Variants in ZBTB49 observed in about 807,000 individuals in gnomAD.
ZBTB49 encodes zinc finger and BTB domain containing 49.
In ZBTB49, 43 loss-of-function variants were observed where a neutral mutation model predicts 57.5. The observed-to-expected ratio is 0.75, with a 90% CI of 0.59 to 0.97. The LOEUF (loss-of-function observed/expected upper bound fraction) is 0.97, where lower values mean the gene tolerates loss of function less well. Ranked by LOEUF, ZBTB49 falls within the 50% of genes least tolerant of loss-of-function variation. The pLI, the probability that ZBTB49 is intolerant of heterozygous loss-of-function variation, is 0.00. For synonymous variants in ZBTB49, 369 were observed against 362.1 expected, an observed-to-expected ratio of 1.02 and a Z score of -0.22; for missense variants, 938 against 947.7, an observed-to-expected ratio of 0.99 and a Z score of 0.13.
At chr4:4,299,269 GAC>G (rs1720365219) in intron 1 of ZBTB49, among the ~76,000 whole-genome samples, 1 of 150,932 alleles carries the variant, frequency 6.6e-6, no homozygotes, top group South Asian at 2.1e-4. Context: ...TCAGGCATCT[GAC>G]CAAGTAGCCT....
intron 1 of ZBTB49, among the ~76,000 whole-genome samples, chr4:4,293,298 G>A (rs751175302): frequency 8.5e-5 from 13 of 152,178 alleles, no homozygotes; most frequent in South Asian, 2.1e-4. Context: ...CTTCTCTCAC[G>A]CTATAACACC....
At chr4:4,315,508 C>A in intron 5 of ZBTB49, 128 bp from the exon 6 acceptor site, 3 of 845,526 alleles carry the variant, frequency 3.5e-6, no homozygotes, top group South Asian at 1.8e-5. Flanking sequence ...CAGATGAAAC[C>A]AGTCCAGTTC....
chr4:4,295,059 G>A (rs2108867278), intron 1 of ZBTB49, among the ~76,000 whole-genome samples: 1 of 152,182 alleles, frequency 6.6e-6, no homozygotes, highest in Non-Finnish European at 1.5e-5. Context: ...TATCTTAATT[G>A]TTTCTCTTGT....
intron 4 of ZBTB49, 63 bp downstream of exon 4, chr4:4,306,247 A>G (rs2108884812): frequency 7.2e-7 from 1 of 1,392,510 alleles, no homozygotes; most frequent in South Asian, 1.2e-5. Context: ...TTTTTATTGG[A>G]AATAAGACAT....
chr4:4,294,794 A>G (rs560832209), intron 1 of ZBTB49, among the ~76,000 whole-genome samples: 13 of 152,072 alleles, frequency 8.5e-5, no homozygotes, highest in African/African-American at 3.1e-4. Flanking sequence ...TTAGACATTT[A>G]CCTAATATAC....
chr4:4,293,524 ATCT>A (rs369034836), intron 1 of ZBTB49, among the ~76,000 whole-genome samples: 7 of 152,340 alleles, frequency 4.6e-5, no homozygotes, highest in African/African-American at 1.7e-4. Context: ...CTGTGTGACC[ATCT>A]TCTCTGTATA....
intron 4 of ZBTB49, among the ~76,000 whole-genome samples, chr4:4,311,973 A>G (rs145938255): frequency 4.7e-4 from 71 of 152,312 alleles, no homozygotes; most frequent in African/African-American, 1.7e-3. Context: ...TTCACAAGTC[A>G]ATATCAAACT....
intron 7 of ZBTB49, among the ~76,000 whole-genome samples, chr4:4,319,964 T>C (rs1240739329): frequency 6.7e-6 from 1 of 149,898 alleles, no homozygotes; most frequent in Non-Finnish European, 1.5e-5. Context: ...CTCAGGAGGC[T>C]GAGGCAGGAG....
Position 4,321,468 on chromosome 4 carries a change from T to G in ZBTB49, c.*152T>G. 3.5e-6 allele frequency: 3 copies of G among 864,696 alleles called. No homozygotes were observed. The South Asian group carries it at 5.3e-5, about 15-fold the overall frequency. 53.6% of individuals were successfully genotyped at this position (864,696 alleles called of 1,614,324 possible). ...TGATGATGGCTCATAATCTGAAGCA[T>G]CTTGAGCTGGGGGTGTGAGGGGGAG... On this transcript the variant is annotated 3_prime_UTR_variant, in exon 8 of 8. Coordinates refer to ENST00000337872, the MANE Select transcript of ZBTB49 (RefSeq NM_145291.4).
chr4:4,291,838 C>G (rs981795437), intron 1 of ZBTB49, among the ~76,000 whole-genome samples: 1 of 152,208 alleles, frequency 6.6e-6, no homozygotes, highest in Non-Finnish European at 1.5e-5. Context: ...CATTTAATAA[C>G]TTTGGTACAG....
At chr4:4,291,956 C>T (rs190542733) in intron 1 of ZBTB49, among the ~76,000 whole-genome samples, 38 of 152,254 alleles carry the variant, frequency 2.5e-4, no homozygotes, top group Non-Finnish European at 4.7e-4. Context: ...TGGTGAAACC[C>T]TGTAAACCCC....
intron 3 of ZBTB49, among the ~76,000 whole-genome samples, chr4:4,304,638 G>A (rs1487284857): frequency 6.6e-6 from 1 of 152,064 alleles, no homozygotes; most frequent in African/African-American, 2.4e-5. Context: ...ATGCTTACTG[G>A]CACATAAATA....
At position 4,303,111 on chromosome 4, in the gene ZBTB49, C is replaced by T. The variant is rs1012130256; in HGVS notation, c.1255+20C>T. 3 of 1,561,736 alleles carry T rather than the reference C, an allele frequency of 1.9e-6. No individual in the cohort carries two copies. Among genetic ancestry groups the T allele is most frequent in the Admixed American group, 1.9e-5 (1 of 51,832 alleles). On this transcript the variant is annotated intron_variant, in intron 3 of 7. Coordinates refer to ENST00000337872, the MANE Select transcript of ZBTB49 (RefSeq NM_145291.4). ...ATACAGGTAACTGATTCAGTACCCACAGGCAGAAGGGAAGGACGTAATGCG... is the reference window on the plus strand; with the variant it reads ...ATACAGGTAACTGATTCAGTACCCATAGGCAGAAGGGAAGGACGTAATGCG...
At chr4:4,320,294 G>T (rs535557191) in intron 7 of ZBTB49, among the ~76,000 whole-genome samples, 290 of 152,342 alleles carry the variant, frequency 1.9e-3, no homozygotes, top group African/African-American at 6.6e-3. Context: ...TCCGCAGCTG[G>T]AGAAGCACCT....
chr4:4,319,971 G>A (rs911041917), intron 7 of ZBTB49, among the ~76,000 whole-genome samples: 2 of 149,610 alleles, frequency 1.3e-5, no homozygotes, highest in Non-Finnish European at 3.0e-5. Context: ...GGCTGAGGCA[G>A]GAGAACCACC....
chr4:4,312,897 T>G (rs187948872), intron 4 of ZBTB49, 144 bp from the exon 5 acceptor site: 20 of 863,314 alleles, frequency 2.3e-5, no homozygotes, highest in Non-Finnish European at 3.1e-5. Flanking sequence ...GCCCATGGCT[T>G]CTTTTGAGTT....
At chr4:4,294,758 G>A (rs984561289) in intron 1 of ZBTB49, among the ~76,000 whole-genome samples, 1 of 151,974 alleles carries the variant, frequency 6.6e-6, no homozygotes, top group Non-Finnish European at 1.5e-5. Flanking sequence ...CACTTCTATA[G>A]AGCTAGAAAA....
intron 5 of ZBTB49, 73 bp from the exon 6 acceptor site, chr4:4,315,563 C>CA: frequency 1.4e-6 from 2 of 1,455,848 alleles, no homozygotes; most frequent in South Asian, 2.5e-5. Flanking sequence ...TCTCCTCCCT[C>CA]AGAGAGTTGC....
At chr4:4,311,872 T>G (rs976263856) in intron 4 of ZBTB49, among the ~76,000 whole-genome samples, 2 of 152,226 alleles carry the variant, frequency 1.3e-5, no homozygotes, top group Admixed American at 6.5e-5. Flanking sequence ...AATGTCTAAC[T>G]CTGTTTCCCA....
Sources: allele counts gnomAD v4.1 joint callset (sites outside exome capture counted in the v4.1 genomes callset), GRCh38; gene constraint gnomAD v4.1.1; transcripts MANE v1.5; gene names NCBI Gene and HGNC (gene_info 2026-07-23, HGNC 2026-07-21).